LAMA2: variants seen among roughly 807,000 people sequenced by gnomAD.
LAMA2 encodes laminin subunit alpha 2, also known as laminin subunit alpha-2.
In LAMA2, 269 loss-of-function variants were observed where a neutral mutation model predicts 364.8. That is an observed-to-expected ratio of 0.74 (90% CI 0.67 to 0.82). The LOEUF is 0.82. LAMA2 is among the 40% of genes least tolerant of loss of function. The probability of loss-of-function intolerance (pLI) is 0.00; values close to 1 mark genes in which losing one functional copy is unlikely to be tolerated. For missense variants in LAMA2, 3,807 were observed against 3,873.2 expected (o/e 0.98, Z 0.45); for synonymous variants, 1,379 against 1,370.6 (o/e 1.01, Z -0.14).
At chr6:128,970,579 T>C (rs902264614) in intron 1 of LAMA2, among the ~76,000 whole-genome samples, 5 of 152,222 alleles carry the variant, frequency 3.3e-5, no homozygotes, top group African/African-American at 9.6e-5. Flanking sequence ...TTTTATAAGA[T>C]TGCTGAAATG....
intron 36 of LAMA2, among the ~76,000 whole-genome samples, chr6:129,392,045 T>C (rs1455699581): frequency 3.3e-5 from 5 of 152,196 alleles, no homozygotes; most frequent in Non-Finnish European, 7.4e-5. Flanking sequence ...TACCTTTGGA[T>C]AAACAAAGTT....
intron 20 of LAMA2, among the ~76,000 whole-genome samples, chr6:129,291,965 G>A (rs1789731221): frequency 6.6e-6 from 1 of 152,006 alleles, no homozygotes; most frequent in Non-Finnish European, 1.5e-5. Flanking sequence ...CTTTAATTCA[G>A]ACATTTCTGA....
At position 128,929,116 on chromosome 6, in the gene LAMA2, C is replaced by T. The variant is rs1166578713; in HGVS notation, c.112+45759C>T. ...TGGACCGCAGCAGCGTTTTCCCGTA[C>T]AGATCCAAAAACTCTGGATAGGGAT... On this transcript the variant is annotated intron_variant, in intron 1 of 64. Transcript: ENST00000421865. The T allele has an allele frequency of 2.8e-6, 4 of 1,445,936 alleles. No homozygotes were observed. The East Asian group carries it at 9.1e-5, about 33-fold the overall frequency. 89.6% of individuals were successfully genotyped at this position (1,445,936 alleles called of 1,614,324 possible). A position where few individuals can be genotyped will look rare whatever the true frequency, so the allele number is the denominator to read the frequency against.
intron 1 of LAMA2, among the ~76,000 whole-genome samples, chr6:128,997,286 A>T (rs1254247123): frequency 6.6e-6 from 1 of 151,424 alleles, no homozygotes; most frequent in Non-Finnish European, 1.5e-5. Context: ...AGTAGAAAGA[A>T]AGAAAGAGAA....
chr6:129,016,767 TAAA>T (rs1785097481), intron 1 of LAMA2, among the ~76,000 whole-genome samples: 1 of 151,838 alleles, frequency 6.6e-6, no homozygotes, highest in African/African-American at 2.4e-5. Context: ...TGTAGGTTAT[TAAA>T]ATAATATACT....
intron 36 of LAMA2, 95 bp from the exon 37 acceptor site, chr6:129,392,950 A>T (rs1779398391): frequency 2.1e-6 from 2 of 967,108 alleles, no homozygotes; most frequent in East Asian, 4.8e-5. Flanking sequence ...CATTCTTTTC[A>T]TGTTAGCATC....
chr6:129,403,862 C>T lies in LAMA2; in HGVS notation c.5768C>T (p.Ala1923Val), dbSNP rs1780108617. The part of the protein sequence containing the change: ...EAKNISFNAT[A>V]AFKAYSNIKD... ...AAAAACATCTCCTTCAATGCCACTG[C>T]AGCCTTCAAAGCTTACAGCAATATT... The change falls in exon 40 of 65, where the codon GCA (alanine) becomes GTA (valine). Residue 1923 changes from alanine to valine, a missense_variant. Coordinates refer to ENST00000421865, the MANE Select transcript of LAMA2 (RefSeq NM_000426.4). The T allele has an allele frequency of 1.2e-6, 2 of 1,613,614 alleles. No individual in the cohort carries two copies. The highest frequency in any genetic ancestry group is 1.7e-6 in the Non-Finnish European group (2 of 1,179,738).
intron 12 of LAMA2, among the ~76,000 whole-genome samples, chr6:129,235,164 G>C (rs1032847629): frequency 1.3e-5 from 2 of 152,042 alleles, no homozygotes; most frequent in Non-Finnish European, 2.9e-5. Context: ...GGGGCCAAGG[G>C]GCTTAGAACC....
chr6:129,280,161 A>G lies in LAMA2; in HGVS notation c.2537+14A>G. On this transcript the variant is annotated intron_variant, in intron 18 of 64. Coordinates refer to ENST00000421865, the MANE Select transcript of LAMA2 (RefSeq NM_000426.4). The stretch of plus-strand genomic sequence containing the variant: ...ACGCTGTGAGAGGTAAGAGTATACT[A>G]CACTGTCTTGCAAAATGATTTCTAC... The G allele has an allele frequency of 6.6e-7, 1 of 1,513,568 alleles. No individual in the cohort carries two copies. The highest frequency in any genetic ancestry group is 2.3e-5 in the East Asian group (1 of 44,418). 93.8% of individuals were successfully genotyped at this position (1,513,568 alleles called of 1,614,324 possible).
intron 1 of LAMA2, among the ~76,000 whole-genome samples, chr6:129,033,337 C>T (rs1786373053): frequency 6.6e-6 from 1 of 151,968 alleles, no homozygotes; most frequent in Non-Finnish European, 1.5e-5. Context: ...TGTTTTATCA[C>T]TAGAGATAAG....
intron 12 of LAMA2, among the ~76,000 whole-genome samples, chr6:129,203,751 G>C (rs1782446033): frequency 6.6e-6 from 1 of 152,038 alleles, no homozygotes; most frequent in Admixed American, 6.5e-5. Flanking sequence ...TAGTGTTTTG[G>C]TCTTTATGCG....
chr6:129,278,332 C>T lies in LAMA2; in HGVS notation c.2451-1729C>T, dbSNP rs80353438. On this transcript the variant is annotated intron_variant, in intron 17 of 64. Transcript: ENST00000421865. Reference sequence around the variant, plus strand: ...GGTTTTCTTTCAATCAGTGTAGTCCCACAGAGGTGGGAAACCCAGTGCTTC... The same window carrying T: ...GGTTTTCTTTCAATCAGTGTAGTCCTACAGAGGTGGGAAACCCAGTGCTTC... Among the ~76,000 whole-genome samples, 1,201 of 152,218 alleles carry T rather than the reference C, an allele frequency of 7.9e-3. 14 individuals are homozygous for T. The highest frequency in any genetic ancestry group is 0.028 in the African/African-American group (1,161 of 41,532).
intron 12 of LAMA2, among the ~76,000 whole-genome samples, chr6:129,248,219 C>A (rs1233183364): frequency 6.6e-6 from 1 of 152,184 alleles, no homozygotes; most frequent in Non-Finnish European, 1.5e-5. Context: ...ACAGTTTTAT[C>A]CCAAAACCCC....
intron 44 of LAMA2, 53 bp from the exon 45 acceptor site, chr6:129,445,614 T>A: frequency 6.9e-7 from 1 of 1,456,254 alleles, no homozygotes; most frequent in Non-Finnish European, 9.6e-7. Context: ...TCTAATTCTG[T>A]GTGTGCACGT....
chr6:129,051,698 ATC>A (rs1304408699), intron 2 of LAMA2, among the ~76,000 whole-genome samples: 10 of 101,994 alleles, frequency 9.8e-5, no homozygotes, highest in Non-Finnish European at 1.3e-4. Context: ...CTATAGATCG[ATC>A]TATAGATATC....
At chr6:129,230,210 C>T (rs1388803220) in intron 12 of LAMA2, among the ~76,000 whole-genome samples, 2 of 152,062 alleles carry the variant, frequency 1.3e-5, no homozygotes, top group African/African-American at 2.4e-5. Context: ...CCACAGAAGT[C>T]ATGTATTGAA....
rs564897274 is a variant in LAMA2 at position 129,099,226 on chromosome 6, T to C, written c.639+811T>C. 2.0e-5 allele frequency among the ~76,000 whole-genome samples: 3 copies of C among 149,658 alleles called. No individual in the cohort carries two copies. The East Asian group carries it at 6.1e-4, about 31-fold the overall frequency. ...ATCGCCCATAAATCAGGAATAATAA[T>C]AGTTCTTACCTCATATAATTGTCAA... On this transcript the variant is annotated intron_variant, in intron 4 of 64. Transcript: ENST00000421865.
At chr6:129,338,257 G>A (rs1271145748) in intron 29 of LAMA2, among the ~76,000 whole-genome samples, 1 of 152,162 alleles carries the variant, frequency 6.6e-6, no homozygotes, top group Non-Finnish European at 1.5e-5. Context: ...TACTGCAAAA[G>A]CAAAAGGCTG....
intron 43 of LAMA2, chr6:129,442,328 G>GAAA: frequency 1.5e-6 from 1 of 673,094 alleles, no homozygotes. Context: ...GAGCCAGGGT[G>GAAA]AAAAAGGGGA....
Sources: gnomAD v4.1 joint callset for allele counts (sites outside exome capture counted in the v4.1 genomes callset) on GRCh38, gnomAD v4.1.1 for gene constraint, MANE v1.5 for transcripts, NCBI Gene and HGNC (gene_info 2026-07-23, HGNC 2026-07-21) for gene names.